The following SDK2 variants were observed in gnomAD, a reference collection of about 807,000 sequenced individuals.
SDK2 encodes sidekick cell adhesion molecule 2.
A neutral mutation model predicts 253.9 loss-of-function variants in SDK2; 105 were observed. The observed-to-expected ratio is 0.41, with a 90% CI of 0.35 to 0.49. SDK2 has a LOEUF of 0.49. Among genes scored for constraint, SDK2 ranks in the 20% least tolerant of loss-of-function variants. The pLI, the probability that SDK2 is intolerant of heterozygous loss-of-function variation, is 0.06. For missense variants in SDK2, 2,608 were observed against 3,003.0 expected, an observed-to-expected ratio of 0.87 and a Z score of 3.07; for synonymous variants, 1,249 against 1,234.9, an observed-to-expected ratio of 1.01 and a Z score of -0.24.
At chr17:73,519,005 C>T (rs2064054051) in intron 1 of SDK2, 1 of 152,286 alleles carries the variant, frequency 6.6e-6, no homozygotes, top group African/African-American at 2.4e-5. Context: ...TACCACTCTT[C>T]TGCCCATCCC....
chr17:73,378,239 T>C (rs888291118), intron 36 of SDK2, among the ~76,000 whole-genome samples: 79 of 151,204 alleles, frequency 5.2e-4, no homozygotes, highest in African/African-American at 1.8e-3. Flanking sequence ...GCTGGGACTA[T>C]AGGCGCATGC....
chr17:73,448,266 A>G (rs758940812), intron 4 of SDK2, among the ~76,000 whole-genome samples: 2 of 152,212 alleles, frequency 1.3e-5, no homozygotes, highest in Admixed American at 6.5e-5. Flanking sequence ...CCCTAATCCT[A>G]AATCTGTTCA....
chr17:73,482,135 C>T (rs533604009), intron 2 of SDK2, among the ~76,000 whole-genome samples: 22 of 152,188 alleles, frequency 1.4e-4, no homozygotes, highest in Non-Finnish European at 2.5e-4. Context: ...ATTAGTGGGG[C>T]ATGGTGGCGT....
intron 40 of SDK2, among the ~76,000 whole-genome samples, chr17:73,356,098 T>C (rs1182522726): frequency 3.3e-5 from 5 of 152,204 alleles, no homozygotes; most frequent in Non-Finnish European, 5.9e-5. Flanking sequence ...GCTTCACTCA[T>C]CTTCCCAAGG....
chr17:73,350,450 G>C (rs959680519), intron 42 of SDK2, 75 bp from the exon 43 acceptor site: 4 of 1,536,418 alleles, frequency 2.6e-6, no homozygotes, highest in Non-Finnish European at 3.5e-6. Flanking sequence ...CACCTGGCTG[G>C]GTTATCCCCT....
intron 1 of SDK2, among the ~76,000 whole-genome samples, chr17:73,638,263 C>T (rs1195612717): frequency 3.3e-5 from 5 of 152,180 alleles, no homozygotes; most frequent in Non-Finnish European, 7.3e-5. Flanking sequence ...ACTCCTCCTA[C>T]GTGCCAGGCA....
rs1013874874 is a variant in SDK2, at chr17:73,612,262, G to T, written c.64+31763C>A. Reference sequence around the variant, plus strand: ...CCCCACGGTCCCCCACCCTCACGGGGTCCCTGTGACCCAGCTGCACCTGGG... The same window carrying T: ...CCCCACGGTCCCCCACCCTCACGGGTTCCCTGTGACCCAGCTGCACCTGGG... On this transcript the variant is annotated intron_variant, in intron 1 of 44. Coordinates refer to ENST00000392650, the MANE Select transcript of SDK2 (RefSeq NM_001144952.2). The surrounding 1 kb of genome is among the most constrained non-coding windows in gnomAD (Gnocchi z 4.4). 6.6e-6 allele frequency among the ~76,000 whole-genome samples: 1 copy of T among 151,928 alleles called. No individual in the cohort carries two copies.
At chr17:73,355,091 T>G (rs1311164629) in intron 40 of SDK2, among the ~76,000 whole-genome samples, 1 of 147,424 alleles carries the variant, frequency 6.8e-6, no homozygotes, top group Non-Finnish European at 1.5e-5. Context: ...TGCAGAAGGC[T>G]CCGGGGTCCC....
At chr17:73,415,661 T>A in intron 17 of SDK2, 150 bp downstream of exon 17, 2 of 657,626 alleles carry the variant, frequency 3.0e-6, no homozygotes, top group Non-Finnish European at 5.1e-6. Context: ...ATAATTTTTT[T>A]CACTTTTTGT....
chr17:73,357,922 C>T, intron 40 of SDK2, 157 bp downstream of exon 40: 5 of 1,165,726 alleles, frequency 4.3e-6, no homozygotes, highest in Non-Finnish European at 6.4e-6. Flanking sequence ...GCCCCCCAAC[C>T]CAGTTTCCCA....
intron 44 of SDK2, among the ~76,000 whole-genome samples, chr17:73,340,734 G>GTTTGTT (rs1477371864): frequency 2.3e-4 from 18 of 77,556 alleles, no homozygotes; most frequent in Non-Finnish European, 3.3e-4. Flanking sequence ...AAACCTTAAA[G>GTTTGTT]TTTTTTTTTT....
chr17:73,524,064 T>C (rs2145790941), intron 1 of SDK2, among the ~76,000 whole-genome samples: 1 of 152,286 alleles, frequency 6.6e-6, no homozygotes, highest in Admixed American at 6.5e-5. Context: ...TGCCCCTGCA[T>C]CCCTCTGACC....
At chr17:73,392,491 A>G (rs1444419709) in intron 27 of SDK2, among the ~76,000 whole-genome samples, 4 of 150,796 alleles carry the variant, frequency 2.7e-5, no homozygotes, top group African/African-American at 9.8e-5. Flanking sequence ...CTGGTCTTGA[A>G]CTCCTGACCT....
chr17:73,529,836 C>T (rs2064155616), intron 1 of SDK2, among the ~76,000 whole-genome samples: 1 of 152,226 alleles, frequency 6.6e-6, no homozygotes, highest in Non-Finnish European at 1.5e-5. Context: ...CTTTGGATTT[C>T]TGTGCCCCAA....
rs112614710 is a variant in SDK2 at position 73,629,008 on chromosome 17, G to A, written c.64+15017C>T. Among the ~76,000 whole-genome samples, 47 of 152,256 alleles carry A rather than the reference G, an allele frequency of 3.1e-4. 2 individuals are homozygous for A. The highest frequency in any genetic ancestry group is 8.7e-4 in the African/African-American group (36 of 41,560). ...ACCTCCCAATTCTGCTGATTCCTACGTGGGGGATGGTGCCAAGGAGGGTCC... is the reference window on the plus strand; with the variant it reads ...ACCTCCCAATTCTGCTGATTCCTACATGGGGGATGGTGCCAAGGAGGGTCC... On this transcript the variant is annotated intron_variant, in intron 1 of 44. Coordinates refer to ENST00000392650, the MANE Select transcript of SDK2 (RefSeq NM_001144952.2). This position sits in a 1 kb window ranked among gnomAD's most constrained non-coding sequence, Gnocchi z 5.0.
At chr17:73,526,249 G>C (rs1427247314) in intron 1 of SDK2, among the ~76,000 whole-genome samples, 1 of 152,182 alleles carries the variant, frequency 6.6e-6, no homozygotes, top group Non-Finnish European at 1.5e-5. Flanking sequence ...GGAGGGTGCA[G>C]GGTTGGGGGC....
At position 73,610,747 on chromosome 17, in the gene SDK2, G is replaced by C. The variant is rs576454031; in HGVS notation, c.64+33278C>G. 1.8e-4 allele frequency among the ~76,000 whole-genome samples: 27 copies of C among 152,284 alleles called. 2 individuals carry two copies. The South Asian group carries it at 4.8e-3, about 27-fold the overall frequency. ...TGCCCAGGAAGGATGGAGAGGGTGTGTGAGCATATGTATCTATATATGTGT... is the reference window on the plus strand; with the variant it reads ...TGCCCAGGAAGGATGGAGAGGGTGTCTGAGCATATGTATCTATATATGTGT... On this transcript the variant is annotated intron_variant, in intron 1 of 44. Transcript: ENST00000392650.
chr17:73,419,039 G>T, intron 16 of SDK2, 127 bp downstream of exon 16: 1 of 1,059,812 alleles, frequency 9.4e-7, no homozygotes, highest in Non-Finnish European at 1.4e-6. Context: ...GGCATTTCTT[G>T]TTACCTAGTC....
intron 3 of SDK2, among the ~76,000 whole-genome samples, chr17:73,469,902 T>G (rs1435267024): frequency 2.0e-5 from 3 of 151,990 alleles, no homozygotes; most frequent in African/African-American, 7.2e-5. Context: ...CTGTCTCCTA[T>G]GAGCCAAGGG....
Sources: gnomAD v4.1 joint callset for allele counts (sites outside exome capture counted in the v4.1 genomes callset) on GRCh38, gnomAD v4.1.1 for gene constraint, Gnocchi (gnomAD v3.1) non-coding constraint, MANE v1.5 for transcripts, NCBI Gene and HGNC (gene_info 2026-07-23, HGNC 2026-07-21) for gene names.